GRIK2: variants seen among roughly 807,000 people sequenced by gnomAD.
The protein encoded by GRIK2 is glutamate receptor ionotropic, kainate 2.
In GRIK2, 32 loss-of-function variants were observed where a neutral mutation model predicts 100.3. The observed-to-expected ratio is 0.32, with a 90% CI of 0.24 to 0.43. The LOEUF is 0.43. Ranked by LOEUF, GRIK2 falls within the 20% of genes least tolerant of loss-of-function variation. GRIK2 has a pLI of 1.00. For missense variants in GRIK2, 843 were observed against 1,114.9 expected, an observed-to-expected ratio of 0.76 and a Z score of 3.47; for synonymous variants, 417 against 389.4, an observed-to-expected ratio of 1.07 and a Z score of -0.83.
At chr6:101,497,229 A>G (rs931491507) in intron 2 of GRIK2, among the ~76,000 whole-genome samples, 13 of 152,052 alleles carry the variant, frequency 8.5e-5, no homozygotes, top group Non-Finnish European at 1.9e-4. Context: ...TTACCACAGC[A>G]TTGGAATTCT....
chr6:101,908,219 A>G (rs1483988303), intron 12 of GRIK2, among the ~76,000 whole-genome samples: 1 of 124,694 alleles, frequency 8.0e-6, no homozygotes, highest in African/African-American at 3.0e-5. Context: ...AGATTTAATA[A>G]GAAATTGTTG....
At chr6:101,662,033 G>A (rs1010322805) in intron 4 of GRIK2, among the ~76,000 whole-genome samples, 2 of 152,176 alleles carry the variant, frequency 1.3e-5, no homozygotes, top group Admixed American at 1.3e-4. Flanking sequence ...GAATACTCCA[G>A]CTTCCTCACC....
chr6:102,013,150 C>T (rs974508043), intron 14 of GRIK2, among the ~76,000 whole-genome samples: 21 of 151,964 alleles, frequency 1.4e-4, no homozygotes, highest in Admixed American at 5.2e-4. Flanking sequence ...GATCTTTTAC[C>T]TCCCTGATTT....
chr6:101,715,500 C>T (rs1038181768), intron 7 of GRIK2, among the ~76,000 whole-genome samples: 3 of 151,584 alleles, frequency 2.0e-5, no homozygotes, highest in African/African-American at 7.3e-5. Context: ...GGACACATAA[C>T]AGCACAGACA....
intron 2 of GRIK2, among the ~76,000 whole-genome samples, chr6:101,548,681 C>A (rs537064189): frequency 7.2e-5 from 11 of 152,058 alleles, no homozygotes; most frequent in Non-Finnish European, 1.5e-4. Flanking sequence ...TCATCATTGT[C>A]ATCATCATCA....
chr6:101,614,853 T>A (rs746308433), intron 2 of GRIK2, among the ~76,000 whole-genome samples: 3 of 151,786 alleles, frequency 2.0e-5, no homozygotes, highest in Non-Finnish European at 4.4e-5. Flanking sequence ...AGAGGTTAGA[T>A]GTGACGTTGG....
Position 101,399,736 on chromosome 6 carries a change from G to C in GRIK2, c.115+344G>C, listed in dbSNP as rs375464154. 1.1e-4 allele frequency among the ~76,000 whole-genome samples: 17 copies of C among 152,300 alleles called. No individual in the cohort carries two copies. In the East Asian group the frequency reaches 2.7e-3, roughly 24 times the overall value. On this transcript the variant is annotated intron_variant, in intron 2 of 16. Transcript: ENST00000369134. ...CCCTGCGAGCTTGGAGGGGTGCGCG[G>C]TCCGCGCAAAAGTGCGCGCCGGGGC...
intron 7 of GRIK2, among the ~76,000 whole-genome samples, chr6:101,733,228 G>T (rs1252467710): frequency 1.3e-5 from 2 of 152,056 alleles, no homozygotes; most frequent in East Asian, 3.9e-4. Context: ...AATCAGATAT[G>T]GGTGAGACTC....
At chr6:101,915,968 T>G (rs920257838) in intron 12 of GRIK2, among the ~76,000 whole-genome samples, 3 of 151,474 alleles carry the variant, frequency 2.0e-5, no homozygotes, top group Non-Finnish European at 4.4e-5. Context: ...GGGCTCTTGC[T>G]TTTAGTATTT....
chr6:101,433,646 T>A (rs1213681802), intron 2 of GRIK2, among the ~76,000 whole-genome samples: 1 of 152,160 alleles, frequency 6.6e-6, no homozygotes, highest in African/African-American at 2.4e-5. Context: ...TCTTTTTTTT[T>A]CTTACTTATT....
chr6:101,527,916 G>A (rs1487189571), intron 2 of GRIK2, among the ~76,000 whole-genome samples: 2 of 152,062 alleles, frequency 1.3e-5, no homozygotes, highest in Non-Finnish European at 2.9e-5. Flanking sequence ...TAATTCTTGA[G>A]TGGTTAATTA....
intron 2 of GRIK2, among the ~76,000 whole-genome samples, chr6:101,476,802 A>T (rs920207125): frequency 6.6e-6 from 1 of 152,154 alleles, no homozygotes; most frequent in Non-Finnish European, 1.5e-5. Flanking sequence ...CATGCACACT[A>T]TGTTCAACCA....
chr6:102,009,703 C>T (rs767212643), intron 14 of GRIK2, among the ~76,000 whole-genome samples: 1 of 152,082 alleles, frequency 6.6e-6, no homozygotes, highest in Non-Finnish European at 1.5e-5. Flanking sequence ...GTTTCCCCAT[C>T]CTTGATTTTA....
At chr6:101,864,574 A>T (rs2128445493) in intron 11 of GRIK2, among the ~76,000 whole-genome samples, 1 of 152,330 alleles carries the variant, frequency 6.6e-6, no homozygotes, top group East Asian at 1.9e-4. Flanking sequence ...AAGTTGGGAC[A>T]TGAATGCATT....
chr6:101,416,964 T>TA (rs1300230672), intron 2 of GRIK2, among the ~76,000 whole-genome samples: 1 of 152,150 alleles, frequency 6.6e-6, no homozygotes, highest in Non-Finnish European at 1.5e-5. Flanking sequence ...CAAAAATGCC[T>TA]AAAGGTGACT....
intron 11 of GRIK2, among the ~76,000 whole-genome samples, chr6:101,874,565 G>T (rs1163721326): frequency 6.6e-6 from 1 of 152,120 alleles, no homozygotes; most frequent in Non-Finnish European, 1.5e-5. Context: ...GCTTAGGATT[G>T]TCTTGGCAAT....
At chr6:101,458,027 CTT>C (rs201238230) in intron 2 of GRIK2, among the ~76,000 whole-genome samples, 4,150 of 152,058 alleles carry the variant, frequency 0.027, 75 homozygotes, top group Middle Eastern at 0.044. Context: ...TTTTTAAAGA[CTT>C]GTTGAAAAAT....
At chr6:101,656,218 G>T (rs569840930) in intron 4 of GRIK2, among the ~76,000 whole-genome samples, 1 of 151,066 alleles carries the variant, frequency 6.6e-6, no homozygotes, top group African/African-American at 2.4e-5. Flanking sequence ...CAGGAGAATC[G>T]CTTGAACCTG....
chr6:101,847,148 T>G (rs1013220396), intron 10 of GRIK2, among the ~76,000 whole-genome samples: 1 of 152,124 alleles, frequency 6.6e-6, no homozygotes, highest in Non-Finnish European at 1.5e-5. Context: ...AAATTCCCTT[T>G]GAGGGACTGC....
Sources: gnomAD v4.1 joint callset for allele counts (sites outside exome capture counted in the v4.1 genomes callset) on GRCh38, gnomAD v4.1.1 for gene constraint, MANE v1.5 for transcripts, NCBI Gene and HGNC (gene_info 2026-07-23, HGNC 2026-07-21) for gene names.